The following STK3 variants were observed in gnomAD, a reference collection of about 807,000 sequenced individuals.
The protein encoded by STK3 is serine/threonine kinase 3.
STK3 carries 41 observed loss-of-function variants against 58.0 expected under a neutral mutation model. The ratio of observed to expected loss-of-function variants is 0.71; its 90% confidence interval spans 0.55 to 0.92. STK3 has a LOEUF of 0.92. Ranked by LOEUF, STK3 falls within the 40% of genes least tolerant of loss-of-function variation. The probability of loss-of-function intolerance (pLI) is 0.00; values close to 1 mark genes in which losing one functional copy is unlikely to be tolerated. For synonymous variants in STK3, 170 were observed against 191.0 expected (o/e 0.89, Z 0.91); for missense variants, 479 against 602.7 (o/e 0.79, Z 2.15).
intron 6 of STK3, among the ~76,000 whole-genome samples, chr8:98,663,085 A>T (rs1822083256): frequency 2.0e-5 from 3 of 152,256 alleles, no homozygotes; most frequent in Admixed American, 2.0e-4. Context: ...CACCAGAGTG[A>T]AGAGGCAACC....
At chr8:98,709,616 C>A (rs927095820) in intron 4 of STK3, among the ~76,000 whole-genome samples, 3 of 152,174 alleles carry the variant, frequency 2.0e-5, no homozygotes, top group Admixed American at 2.0e-4. Context: ...GAATGTATTC[C>A]TGGAATGCAA....
At chr8:98,596,388 A>C (rs1481263710) in intron 6 of STK3, 3 of 441,702 alleles carry the variant, frequency 6.8e-6, no homozygotes. Context: ...TAGCTCATTG[A>C]GCACATCATT....
chr8:98,586,935 G>C (rs1814668864), intron 7 of STK3, among the ~76,000 whole-genome samples: 1 of 151,790 alleles, frequency 6.6e-6, no homozygotes, highest in Non-Finnish European at 1.5e-5. Context: ...TGTGGGATCG[G>C]TGTTGATATC....
intron 8 of STK3, among the ~76,000 whole-genome samples, chr8:98,557,507 A>G (rs12542069): frequency 0.29 from 44,147 of 151,876 alleles, 6,788 homozygotes; most frequent in East Asian, 0.46. Context: ...CCCACAGTAG[A>G]TCAACTGGTA....
intron 10 of STK3, among the ~76,000 whole-genome samples, chr8:98,457,196 C>T (rs141858103): frequency 0.014 from 2,123 of 152,278 alleles, 27 homozygotes; most frequent in South Asian, 0.028. Flanking sequence ...ATAAAACATA[C>T]ATTTATATAT....
intron 6 of STK3, among the ~76,000 whole-genome samples, chr8:98,680,294 A>G (rs1823537504): frequency 6.6e-6 from 1 of 152,166 alleles, no homozygotes; most frequent in African/African-American, 2.4e-5. Flanking sequence ...TGACAGAGCT[A>G]AGCAGGAGGT....
chr8:98,557,964 A>G (rs1811729603), intron 8 of STK3, among the ~76,000 whole-genome samples: 1 of 152,008 alleles, frequency 6.6e-6, no homozygotes. Context: ...GCAAGACTGT[A>G]CAAGTTTTTG....
At chr8:98,869,056 AAGGAAGGAAGGAAG>A (rs1837257977) in intron 3 of STK3, among the ~76,000 whole-genome samples, 6 of 149,830 alleles carry the variant, frequency 4.0e-5, no homozygotes, top group Non-Finnish European at 8.9e-5. Flanking sequence ...GGAAGGAAGG[AAGGAAGGAAGGAAG>A]GAAGGAAGGA....
At chr8:98,725,602 G>T (rs1827742597) in intron 4 of STK3, among the ~76,000 whole-genome samples, 1 of 152,026 alleles carries the variant, frequency 6.6e-6, no homozygotes, top group Non-Finnish European at 1.5e-5. Context: ...TATATTTCTT[G>T]ATTTCCTAAG....
intron 8 of STK3, among the ~76,000 whole-genome samples, chr8:98,564,972 T>C (rs1201509054): frequency 6.6e-6 from 1 of 152,180 alleles, no homozygotes; most frequent in Non-Finnish European, 1.5e-5. Flanking sequence ...GAAGACTGAA[T>C]GTGGGTGGTA....
At chr8:98,500,871 C>T (rs894973320) in intron 10 of STK3, among the ~76,000 whole-genome samples, 10 of 152,090 alleles carry the variant, frequency 6.6e-5, no homozygotes, top group Non-Finnish European at 1.3e-4. Flanking sequence ...AATAAACATA[C>T]GTGTACATGT....
rs142364498 is a variant in STK3, at chr8:98,792,259, T to A, written c.27-17440A>T. 8.8e-3 allele frequency among the ~76,000 whole-genome samples: 1,338 copies of A among 152,296 alleles called. 11 individuals carry two copies. Among genetic ancestry groups the A allele is most frequent in the African/African-American group, 0.03 (1,261 of 41,562 alleles). ...ATGCAAATCAAAACCAAAATGCGAT[T>A]CCACCTTACTTCTGCAACAATGGCC... is the stretch of plus-strand genomic sequence containing the variant. On this transcript the variant is annotated intron_variant, in intron 1 of 10. Coordinates refer to ENST00000419617, the MANE Select transcript of STK3 (RefSeq NM_006281.4).
At chr8:98,570,127 TAGAC>T (rs1319430124) in intron 8 of STK3, among the ~76,000 whole-genome samples, 11 of 149,640 alleles carry the variant, frequency 7.4e-5, no homozygotes, top group Non-Finnish European at 3.0e-5. Context: ...TTTTTCTTTT[TAGAC>T]AGAGAGAGAG....
chr8:98,654,930 A>G (rs543666280), intron 6 of STK3, among the ~76,000 whole-genome samples: 4 of 152,278 alleles, frequency 2.6e-5, no homozygotes, highest in African/African-American at 9.6e-5. Flanking sequence ...TATAGATTCA[A>G]TGCCATCCCC....
chr8:98,771,970 T>C (rs893739788), intron 2 of STK3, among the ~76,000 whole-genome samples: 22 of 152,200 alleles, frequency 1.4e-4, no homozygotes, highest in African/African-American at 5.3e-4. Flanking sequence ...TTTTGGTATG[T>C]TTCATAATTT....
intron 2 of STK3, among the ~76,000 whole-genome samples, chr8:98,768,512 G>C (rs1340216716): frequency 3.3e-5 from 5 of 152,220 alleles, no homozygotes; most frequent in South Asian, 4.2e-4. Context: ...CATTTAATTT[G>C]GTTTGGTACC....
intron 2 of STK3, among the ~76,000 whole-genome samples, chr8:98,434,812 G>GA (rs962812485): frequency 1.2e-3 from 186 of 149,566 alleles, no homozygotes; most frequent in African/African-American, 3.8e-3. Flanking sequence ...GGGAAAGAGA[G>GA]AAAAAAAAAG....
intron 1 of STK3, among the ~76,000 whole-genome samples, chr8:98,788,976 A>G (rs1019856862): frequency 3.9e-5 from 6 of 152,230 alleles, no homozygotes; most frequent in Non-Finnish European, 1.5e-5. Context: ...TCAACAGCAC[A>G]TGGAACTTTC....
At chr8:98,564,655 A>C (rs1171947585) in intron 8 of STK3, among the ~76,000 whole-genome samples, 2 of 152,176 alleles carry the variant, frequency 1.3e-5, no homozygotes, top group Non-Finnish European at 2.9e-5. Context: ...TAAATGCATG[A>C]GGTGATGGAA....
Sources: allele counts gnomAD v4.1 joint callset (sites outside exome capture counted in the v4.1 genomes callset), GRCh38; gene constraint gnomAD v4.1.1; transcripts MANE v1.5; gene names NCBI Gene and HGNC (gene_info 2026-07-23, HGNC 2026-07-21).